Variants in PCDHA10 observed in about 807,000 individuals in gnomAD.
The protein encoded by PCDHA10 is protocadherin alpha-10.
PCDHA10 carries 45 observed loss-of-function variants against 61.2 expected under a neutral mutation model. The observed-to-expected ratio is 0.74, with a 90% CI of 0.58 to 0.94. The LOEUF is 0.94. PCDHA10 is among the 40% of genes least tolerant of loss of function. The pLI, the probability that PCDHA10 is intolerant of heterozygous loss-of-function variation, is 0.00. For synonymous variants in PCDHA10, 602 were observed against 548.8 expected (o/e 1.10, Z -1.35); for missense variants, 1,278 against 1,236.2 (o/e 1.03, Z -0.51).
intron 1 of PCDHA10, among the ~76,000 whole-genome samples, chr5:140,934,682 A>G (rs2089985981): frequency 6.6e-6 from 1 of 152,156 alleles, no homozygotes; most frequent in Non-Finnish European, 1.5e-5. Flanking sequence ...AGTATTCAAA[A>G]CAATGAATTG....
chr5:140,869,511 A>T (rs1160788033), intron 1 of PCDHA10: 4 of 1,614,076 alleles, frequency 2.5e-6, no homozygotes, highest in Non-Finnish European at 2.5e-6. Context: ...TCTCGCTCAG[A>T]GAACAAAAGC....
intron 1 of PCDHA10, among the ~76,000 whole-genome samples, chr5:140,924,989 C>T (rs782768303): frequency 7.9e-5 from 12 of 151,328 alleles, no homozygotes; most frequent in Admixed American, 1.3e-4. Context: ...GTCTGTAATC[C>T]TAGCACTTTA....
chr5:140,998,438 A>T (rs114296649), intron 3 of PCDHA10, among the ~76,000 whole-genome samples: 1,585 of 152,188 alleles, frequency 0.01, 12 homozygotes, highest in Middle Eastern at 0.058. Flanking sequence ...TAACACTATT[A>T]TTGTATTTAT....
At chr5:140,955,669 G>C (rs1031483633) in intron 1 of PCDHA10, among the ~76,000 whole-genome samples, 2 of 152,094 alleles carry the variant, frequency 1.3e-5, no homozygotes, top group African/African-American at 4.8e-5. Flanking sequence ...TTTTAACATA[G>C]TTTTTTCGAA....
chr5:140,893,467 A>G (rs2064001411), intron 1 of PCDHA10, among the ~76,000 whole-genome samples: 1 of 152,186 alleles, frequency 6.6e-6, no homozygotes, highest in Non-Finnish European at 1.5e-5. Context: ...AGCCTGGGCA[A>G]CATAGCAAGA....
chr5:140,920,908 T>G (rs1333150217), intron 1 of PCDHA10, among the ~76,000 whole-genome samples: 1 of 151,136 alleles, frequency 6.6e-6, no homozygotes, highest in Non-Finnish European at 1.5e-5. Context: ...GGTTCTCAAA[T>G]CAGTTCCAAG....
At chr5:140,885,157 C>G (rs2060491561) in intron 1 of PCDHA10, among the ~76,000 whole-genome samples, 1 of 151,962 alleles carries the variant, frequency 6.6e-6, no homozygotes, top group African/African-American at 2.4e-5. Context: ...TTGATTGTCT[C>G]TACTTTTTTG....
intron 3 of PCDHA10, among the ~76,000 whole-genome samples, chr5:140,992,707 C>T (rs1554253127): frequency 1.3e-5 from 2 of 152,056 alleles, no homozygotes; most frequent in Admixed American, 1.3e-4. Flanking sequence ...AATGTTCCTG[C>T]CAGTATTCGT....
At position 140,870,696 on chromosome 5, in the gene PCDHA10, G is replaced by A. The variant is rs377050637; in HGVS notation, c.2388+12260G>A. The A allele has an allele frequency of 1.1e-5, 17 of 1,612,906 alleles. No individual in the cohort carries two copies. The African/African-American group carries it at 1.9e-4, about 18-fold the overall frequency. ...ACCACGAGGAGCTGGAGCTGCTACA[G>A]TTCCAGGTGAGCGCGCGCGATGCGG... On this transcript the variant is annotated intron_variant, in intron 1 of 3. Coordinates refer to ENST00000307360, the MANE Select transcript of PCDHA10 (RefSeq NM_018901.4).
chr5:141,000,383 CTCTCTCTCTCTCTA>C (rs1438422699), intron 3 of PCDHA10, among the ~76,000 whole-genome samples: 4 of 63,178 alleles, frequency 6.3e-5, no homozygotes, highest in African/African-American at 2.9e-4. Context: ...CTCTCTCTCT[CTCTCTCTCTCTCTA>C]TATATATATA....
intron 1 of PCDHA10, among the ~76,000 whole-genome samples, chr5:140,893,346 C>A (rs1368723678): frequency 6.6e-6 from 1 of 152,104 alleles, no homozygotes; most frequent in Non-Finnish European, 1.5e-5. Context: ...AGTGGCAGTG[C>A]TAATTTACAT....
intron 3 of PCDHA10, among the ~76,000 whole-genome samples, chr5:141,007,451 C>A (rs2098330384): frequency 6.6e-6 from 1 of 151,640 alleles, no homozygotes; most frequent in Non-Finnish European, 1.5e-5. Context: ...GCCTGTAGTC[C>A]CAGCTACTCA....
At chr5:140,955,907 C>A (rs1356508512) in intron 1 of PCDHA10, among the ~76,000 whole-genome samples, 3 of 152,126 alleles carry the variant, frequency 2.0e-5, no homozygotes, top group East Asian at 3.8e-4. Flanking sequence ...CTCTTTGTAG[C>A]AATTGTGAAT....
At chr5:140,967,102 G>T (rs1279026258) in intron 1 of PCDHA10, 1 of 1,612,978 alleles carries the variant, frequency 6.2e-7, no homozygotes, top group African/African-American at 1.3e-5. Context: ...CGCTGTGTGA[G>T]CAGCGGCCTC....
chr5:140,916,979 G>A (rs1280720524), intron 1 of PCDHA10, among the ~76,000 whole-genome samples: 1 of 152,144 alleles, frequency 6.6e-6, no homozygotes, highest in African/African-American at 2.4e-5. Flanking sequence ...TGAGTGATTC[G>A]CCTCTGGCCA....
chr5:140,931,279 C>T (rs73793526), intron 1 of PCDHA10, among the ~76,000 whole-genome samples: 2,016 of 152,088 alleles, frequency 0.013, 37 homozygotes, highest in African/African-American at 0.046. Context: ...CTTTTATTTT[C>T]ATTGCTTTCT....
At chr5:140,882,658 G>T in intron 1 of PCDHA10, 4 of 1,614,148 alleles carry the variant, frequency 2.5e-6, no homozygotes, top group South Asian at 1.1e-5. Flanking sequence ...ACGACAACCC[G>T]CCCATATTCC....
intron 1 of PCDHA10, chr5:140,862,120 A>G (rs898970647): frequency 2.5e-5 from 4 of 161,592 alleles, no homozygotes; most frequent in African/African-American, 7.2e-5. Flanking sequence ...GGATAAATAA[A>G]TGTAAAGATA....
intron 1 of PCDHA10, among the ~76,000 whole-genome samples, chr5:140,897,050 G>A (rs1269082503): frequency 6.6e-6 from 1 of 152,014 alleles, no homozygotes; most frequent in Non-Finnish European, 1.5e-5. Flanking sequence ...CTATTCTGCT[G>A]TCAAATACTA....
Sources: allele counts gnomAD v4.1 joint callset (sites outside exome capture counted in the v4.1 genomes callset), GRCh38; gene constraint gnomAD v4.1.1; transcripts MANE v1.5; gene names NCBI Gene and HGNC (gene_info 2026-07-23, HGNC 2026-07-21).